Variants in PRPF31 observed in about 807,000 individuals in gnomAD.
PRPF31 encodes the protein U4/U6 small nuclear ribonucleoprotein Prp31.
A neutral mutation model predicts 60.4 loss-of-function variants in PRPF31; 12 were observed. The ratio of observed to expected loss-of-function variants is 0.20; its 90% CI spans 0.13 to 0.32. PRPF31 has a LOEUF of 0.32. Among genes scored for constraint, PRPF31 ranks in the 10% least tolerant of loss-of-function variants. PRPF31 has a pLI of 1.00. For missense variants in PRPF31, 431 were observed against 687.1 expected, an observed-to-expected ratio of 0.63 and a Z score of 4.17; for synonymous variants, 287 against 287.9, an observed-to-expected ratio of 1.00 and a Z score of 0.03.
chr19:54,131,486 C>T lies in PRPF31; in HGVS notation c.*54C>T. ...CACTGAAGGGACACAGAGGTCCAGT[C>T]CTTCTGAAGGGCTAGGATCGGGTTC... is the stretch of plus-strand genomic sequence containing the variant. On this transcript the variant is annotated 3_prime_UTR_variant, in exon 14 of 14. Coordinates refer to ENST00000321030, the MANE Select transcript of PRPF31 (RefSeq NM_015629.4). The T allele has an allele frequency of 6.2e-7, 1 of 1,606,678 alleles. No homozygotes were observed. Among genetic ancestry groups the T allele is most frequent in the East Asian group, 2.2e-5 (1 of 44,602 alleles).
At chr19:54,118,182 C>T in intron 1 of PRPF31, 89 bp from the exon 2 acceptor site, 1 of 1,585,210 alleles carries the variant, frequency 6.3e-7, no homozygotes, top group Non-Finnish European at 8.6e-7. Context: ...AAAGAAGGAC[C>T]AGGGTCTTCT....
chr19:54,127,792 G>A (rs1399857522), intron 9 of PRPF31, among the ~76,000 whole-genome samples: 1 of 152,136 alleles, frequency 6.6e-6, no homozygotes, highest in Non-Finnish European at 1.5e-5. Flanking sequence ...CCCTGGTCTG[G>A]GTGTGGGGGT....
rs750245767 is a variant in PRPF31, at chr19:54,129,059, C to T, written c.1149C>T (p.Ile383=). 21 of 1,570,680 alleles carry T rather than the reference C, an allele frequency of 1.3e-5. No homozygotes were observed. The highest frequency in any genetic ancestry group is 1.2e-4 in the Admixed American group (6 of 52,026). ...KQANRMSFGE[I]EEDAYQEDLG... ...AGGGCGCCTCCTCTCCCCCCTAGATCGAGGAGGACGCCTACCAGGAGGACC... is the reference window on the plus strand; with the variant it reads ...AGGGCGCCTCCTCTCCCCCCTAGATTGAGGAGGACGCCTACCAGGAGGACC... The change falls in exon 12 of 14, where the codon ATC becomes ATT. Residue 383 remains isoleucine, a splice_region_variant and synonymous_variant. Transcript: ENST00000321030.
chr19:54,129,433 GCCC>G, intron 13 of PRPF31, 63 bp downstream of exon 13: 2 of 1,522,676 alleles, frequency 1.3e-6, no homozygotes, highest in Non-Finnish European at 1.8e-6. Context: ...CTTGCCCTCT[GCCC>G]CTGTGAAGAA....
intron 5 of PRPF31, chr19:54,123,201 CTT>C: frequency 3.4e-6 from 2 of 592,324 alleles, no homozygotes; most frequent in South Asian, 3.9e-5. Context: ...AGGCCACAGT[CTT>C]TCCAGACGCC....
chr19:54,119,942 G>C (rs1297075230), intron 3 of PRPF31: 1 of 152,312 alleles, frequency 6.6e-6, no homozygotes, highest in East Asian at 1.9e-4. Flanking sequence ...GAATCGCCCA[G>C]GTCTTTGCTC....
chr19:54,122,752 T>C, intron 5 of PRPF31, 158 bp downstream of exon 5: 1 of 716,800 alleles, frequency 1.4e-6, no homozygotes, highest in Non-Finnish European at 2.5e-6. Flanking sequence ...GGACGGAGCC[T>C]GGACAGGACT....
rs376107378 is a variant in PRPF31 at position 54,129,024 on chromosome 19, G to A, written c.1147-33G>A. The A allele has an allele frequency of 1.1e-4, 171 of 1,557,052 alleles. No homozygotes were observed. In the African/African-American group the frequency reaches 1.9e-3, roughly 17 times the overall value. ...GGTGGCTGGAGGGCAGGGCCTGGTC[G>A]CTGAACTGCAGGGCGCCTCCTCTCC... On this transcript the variant is annotated intron_variant, in intron 11 of 13. Coordinates refer to ENST00000321030, the MANE Select transcript of PRPF31 (RefSeq NM_015629.4).
At position 54,129,337 on chromosome 19, in the gene PRPF31, C is replaced by T; in HGVS notation, c.1341C>T (p.Gly447=). 6.2e-7 allele frequency: 1 copy of T among 1,604,088 alleles called. No homozygotes were observed. Among genetic ancestry groups the T allele is most frequent in the East Asian group, 2.3e-5 (1 of 44,180 alleles). Residue 447 remains glycine, a synonymous_variant, in exon 13 of 14, where the codon GGC becomes GGT. Transcript: ENST00000321030. ...CCACCATCCGCGACCGCTCCTCGGGCACGGCCTCCAGCGTGGCCTTCACCC... is the reference window on the plus strand; with the variant it reads ...CCACCATCCGCGACCGCTCCTCGGGTACGGCCTCCAGCGTGGCCTTCACCC... ...GKSTIRDRSS[G]TASSVAFTPL... is the part of the protein sequence containing the mutation.
chr19:54,121,297 A>T (rs1472813934), intron 3 of PRPF31, among the ~76,000 whole-genome samples: 4 of 91,518 alleles, frequency 4.4e-5, no homozygotes, highest in African/African-American at 1.9e-4. Context: ...GAGCGAAATT[A>T]TGTCTCAAAA....
intron 1 of PRPF31, among the ~76,000 whole-genome samples, chr19:54,117,756 C>T (rs1174778939): frequency 6.6e-6 from 1 of 151,660 alleles, no homozygotes; most frequent in Non-Finnish European, 1.5e-5. Context: ...GAGGCTGAGG[C>T]AGGAGAATCG....
chr19:54,122,773 T>A lies in PRPF31; in HGVS notation c.420+179T>A. ...AGCCTGGACAGGACTTTCTCAGGGC[T>A]CCCCTCCAACCCCAGTCTCCCGAGA... On this transcript the variant is annotated intron_variant, in intron 5 of 13. Transcript: ENST00000321030. 7.3e-6 allele frequency: 5 copies of A among 681,780 alleles called. No homozygotes were observed. In the South Asian group the frequency reaches 7.8e-5, roughly 11 times the overall value. The allele number at this position is 681,780 out of a possible 1,614,324, so 42.2% of individuals were successfully genotyped here.
intron 3 of PRPF31, 162 bp from the exon 4 acceptor site, chr19:54,121,698 C>T: frequency 2.7e-6 from 2 of 731,914 alleles, no homozygotes; most frequent in South Asian, 3.0e-5. Flanking sequence ...AAGGCAGGAA[C>T]ACAAGTTCAG....
At chr19:54,124,056 A>C in intron 7 of PRPF31, 138 bp downstream of exon 7, 1 of 1,488,600 alleles carries the variant, frequency 6.7e-7, no homozygotes, top group Non-Finnish European at 9.0e-7. Flanking sequence ...CACAGAGGTC[A>C]GCCAGCCTGG....
chr19:54,120,803 G>A (rs1412408938), intron 3 of PRPF31, among the ~76,000 whole-genome samples: 1 of 151,436 alleles, frequency 6.6e-6, no homozygotes, highest in Non-Finnish European at 1.5e-5. Context: ...GTGTAGAGAT[G>A]GGGTCTCCCT....
chr19:54,127,684 CGT>C (rs1310931634), intron 9 of PRPF31, among the ~76,000 whole-genome samples: 2 of 152,186 alleles, frequency 1.3e-5, no homozygotes, highest in Non-Finnish European at 1.5e-5. Flanking sequence ...GGAGAGGAGA[CGT>C]TTTCTGTCTT....
Position 54,115,793 on chromosome 19 carries a change from G to A in PRPF31, c.-13G>A, listed in dbSNP as rs1168115291. On this transcript the variant is annotated 5_prime_UTR_variant, in exon 1 of 14. Transcript: ENST00000321030. The stretch of plus-strand genomic sequence containing the variant: ...GCTAGAAACAGTGGTGCGCGGAGAG[G>A]AGAGGTGAGTGTGATGGGGACCACG... The A allele has an allele frequency of 2.5e-5, 6 of 240,848 alleles. No homozygotes were observed. The highest frequency in any genetic ancestry group is 5.3e-5 in the Admixed American group (1 of 19,004). 14.9% of individuals were successfully genotyped at this position (240,848 alleles called of 1,614,324 possible).
Position 54,128,383 on chromosome 19 carries a change from A to T in PRPF31, c.1146+6A>T, listed in dbSNP as rs377144143. The stretch of plus-strand genomic sequence containing the variant: ...ACCGTATGAGCTTCGGAGAGGTCAG[A>T]CTCCCAGAGCGCCCTCCTCAACCCC... On this transcript the variant is annotated splice_donor_region_variant and intron_variant, in intron 11 of 13. Transcript: ENST00000321030. 6.5e-7 allele frequency: 1 copy of T among 1,541,582 alleles called. No individual in the cohort carries two copies. The highest frequency in any genetic ancestry group is 8.7e-7 in the Non-Finnish European group (1 of 1,144,070).
chr19:54,118,106 C>G, intron 1 of PRPF31, 165 bp from the exon 2 acceptor site: 1 of 960,864 alleles, frequency 1.0e-6, no homozygotes, highest in East Asian at 2.4e-5. Flanking sequence ...GAGCTGGAGA[C>G]TCGCCAGTGA....
Sources: gnomAD v4.1 joint callset for allele counts (sites outside exome capture counted in the v4.1 genomes callset) on GRCh38, gnomAD v4.1.1 for gene constraint, MANE v1.5 for transcripts, NCBI Gene and HGNC (gene_info 2026-07-23, HGNC 2026-07-21) for gene names.